Variants in SGCG observed in about 807,000 individuals in gnomAD.
SGCG encodes sarcoglycan gamma.
SGCG carries 26 observed loss-of-function variants against 29.3 expected under a neutral mutation model. The ratio of observed to expected loss-of-function variants is 0.89; its 90% CI spans 0.65 to 1.23. The LOEUF (loss-of-function observed/expected upper bound fraction) is 1.23. Ranked by LOEUF, SGCG falls within the 50% of genes most tolerant of loss-of-function variation. The pLI, the probability that SGCG is intolerant of heterozygous loss-of-function variation, is 0.00. For synonymous variants in SGCG, 145 were observed against 129.7 expected (o/e 1.12, Z -0.80); for missense variants, 353 against 356.0 (o/e 0.99, Z 0.07).
In SGCG at chr13:23,252,575, C is replaced by T. The variant is rs1051912277; in HGVS notation, c.385+1858C>T. The stretch of plus-strand genomic sequence containing the variant: ...GCGTGGTGGCGGTCGCCTGTAGTCT[C>T]AGCTACTTGGGCGGCTGAGGCAGGA... On this transcript the variant is annotated intron_variant, in intron 4 of 7. Coordinates refer to ENST00000218867, the MANE Select transcript of SGCG (RefSeq NM_000231.3). 7.2e-5 allele frequency among the ~76,000 whole-genome samples: 11 copies of T among 152,062 alleles called. No homozygotes were observed. The South Asian group carries it at 1.9e-3, about 26-fold the overall frequency.
At chr13:23,221,638 A>C (rs1878660655) in intron 2 of SGCG, among the ~76,000 whole-genome samples, 1 of 152,232 alleles carries the variant, frequency 6.6e-6, no homozygotes, top group South Asian at 2.1e-4. Flanking sequence ...CATGTGGCAC[A>C]ATGTGGTGAG....
chr13:23,220,766 G>C (rs186871103), intron 2 of SGCG, among the ~76,000 whole-genome samples: 23 of 152,180 alleles, frequency 1.5e-4, no homozygotes, highest in African/African-American at 5.5e-4. Flanking sequence ...ATAAACAAAA[G>C]GTCAAAATCT....
intron 1 of SGCG, among the ~76,000 whole-genome samples, chr13:23,189,751 G>A (rs1274796712): frequency 6.6e-6 from 1 of 152,196 alleles, no homozygotes; most frequent in African/African-American, 2.4e-5. Context: ...TTGGGAGGAT[G>A]TTGAATAAGA....
intron 6 of SGCG, among the ~76,000 whole-genome samples, chr13:23,297,872 G>A (rs1023501414): frequency 6.6e-6 from 1 of 151,480 alleles, no homozygotes; most frequent in Admixed American, 6.6e-5. Context: ...AGCCTCCTGA[G>A]TAGCTGGGAT....
chr13:23,256,573 C>G (rs1221628461), intron 4 of SGCG, among the ~76,000 whole-genome samples: 10 of 152,012 alleles, frequency 6.6e-5, no homozygotes, highest in Non-Finnish European at 1.5e-4. Flanking sequence ...GTTCCCCTTC[C>G]TGTGTCCAAG....
At chr13:23,205,442 G>C (rs1239736852) in intron 2 of SGCG, among the ~76,000 whole-genome samples, 1 of 152,174 alleles carries the variant, frequency 6.6e-6, no homozygotes, top group Non-Finnish European at 1.5e-5. Context: ...GCAGTGTCCT[G>C]GGTAGGAGGC....
chr13:23,221,129 C>G (rs1878641475), intron 2 of SGCG, among the ~76,000 whole-genome samples: 1 of 152,080 alleles, frequency 6.6e-6, no homozygotes, highest in South Asian at 2.1e-4. Flanking sequence ...CAACTTAGGT[C>G]TGATGCCTAA....
the SGCG span, among the ~76,000 whole-genome samples, chr13:23,175,113 G>C: frequency 6.6e-6 from 1 of 152,204 alleles, no homozygotes; most frequent in East Asian, 1.9e-4. Context: ...GCTGAAAGAG[G>C]TGATAGAACT....
intron 6 of SGCG, among the ~76,000 whole-genome samples, chr13:23,304,922 G>C (rs545900535): frequency 2.2e-4 from 34 of 152,252 alleles, no homozygotes; most frequent in African/African-American, 7.7e-4. Flanking sequence ...ATATTTTAAT[G>C]TCTGGTAGGA....
chr13:23,277,667 T>A (rs1034998637), intron 4 of SGCG, among the ~76,000 whole-genome samples: 10 of 151,558 alleles, frequency 6.6e-5, no homozygotes, highest in Non-Finnish European at 1.3e-4. Context: ...ACAAAAAAAA[T>A]TATAACATAT....
intron 5 of SGCG, among the ~76,000 whole-genome samples, chr13:23,287,492 G>A (rs975950699): frequency 1.3e-5 from 2 of 152,158 alleles, no homozygotes; most frequent in Non-Finnish European, 2.9e-5. Flanking sequence ...GCTGACACCT[G>A]TGAGACCCTG....
chr13:23,215,879 A>G (rs191044097), intron 2 of SGCG, among the ~76,000 whole-genome samples: 14 of 152,282 alleles, frequency 9.2e-5, no homozygotes, highest in African/African-American at 2.6e-4. Context: ...TAGGCTATAC[A>G]TAACGGCCAA....
intron 5 of SGCG, among the ~76,000 whole-genome samples, chr13:23,283,175 T>A (rs1216928944): frequency 4.6e-5 from 7 of 152,182 alleles, no homozygotes; most frequent in African/African-American, 1.7e-4. Context: ...ATATCCTTGT[T>A]AATTTTCTGT....
chr13:23,175,912 C>T, the SGCG span, among the ~76,000 whole-genome samples: 1 of 152,006 alleles, frequency 6.6e-6, no homozygotes, highest in Non-Finnish European at 1.5e-5. Flanking sequence ...CAAGTAATTA[C>T]AATCCAGATG....
chr13:23,241,330 A>G (rs1222615535), intron 3 of SGCG, among the ~76,000 whole-genome samples: 2 of 143,228 alleles, frequency 1.4e-5, no homozygotes, highest in East Asian at 2.6e-4. Context: ...ATTAGAGGCT[A>G]CCATGAACAA....
rs774245371 is a variant in SGCG at position 23,250,676 on chromosome 13, C to T, written c.344C>T (p.Ala115Val). 1.6e-5 allele frequency: 26 copies of T among 1,612,622 alleles called. No individual in the cohort carries two copies. Among genetic ancestry groups the T allele is most frequent in the South Asian group, 5.5e-5 (5 of 90,994 alleles). Reference protein sequence around the residue: ...LQSTQNVTVNARNSEGEVTGR... With the variant: ...LQSTQNVTVNVRNSEGEVTGR... ...TCAACCCAGAATGTGACTGTAAATG[C>T]GCGCAACTCAGAAGGGGAGGTCACA... is the stretch of plus-strand genomic sequence containing the variant. Residue 115 changes from alanine (A) to valine (V), a missense_variant, in exon 4 of 8, where the codon GCG becomes GTG. Transcript: ENST00000218867.
upstream of SGCG, among the ~76,000 whole-genome samples, chr13:23,177,937 A>C (rs1876613022): frequency 6.6e-6 from 1 of 152,024 alleles, no homozygotes; most frequent in African/African-American, 2.4e-5. Context: ...ATGGGAGGTA[A>C]CCCTAGTCAA....
chr13:23,163,811 T>C, the SGCG span, among the ~76,000 whole-genome samples: 1 of 152,202 alleles, frequency 6.6e-6, no homozygotes. Context: ...TCATATTGAA[T>C]TGAAGACAAA....
At chr13:23,223,075 G>C (rs1477834587) in intron 2 of SGCG, among the ~76,000 whole-genome samples, 3 of 151,882 alleles carry the variant, frequency 2.0e-5, no homozygotes, top group African/African-American at 7.3e-5. Context: ...TCAGGAGATC[G>C]AGACCATCCT....
Sources: gnomAD v4.1 joint callset for allele counts (sites outside exome capture counted in the v4.1 genomes callset) on GRCh38, gnomAD v4.1.1 for gene constraint, MANE v1.5 for transcripts, NCBI Gene and HGNC (gene_info 2026-07-23, HGNC 2026-07-21) for gene names.